Variants in CEP85L observed in about 807,000 individuals in gnomAD.
CEP85L encodes the protein centrosomal protein of 85 kDa-like.
Under a neutral mutation model 100.3 loss-of-function variants are expected in CEP85L, and 60 were observed. The ratio of observed to expected loss-of-function variants is 0.60; its 90% CI spans 0.49 to 0.74. The LOEUF (loss-of-function observed/expected upper bound fraction) is 0.74. Among genes scored for constraint, CEP85L ranks in the 30% least tolerant of loss-of-function variants. CEP85L has a pLI of 0.00. For missense variants in CEP85L, 973 were observed against 936.2 expected, an observed-to-expected ratio of 1.04 and a Z score of -0.51; for synonymous variants, 319 against 322.7, an observed-to-expected ratio of 0.99 and a Z score of 0.12.
At chr6:118,479,328 T>A (rs1417881845) in intron 10 of CEP85L, among the ~76,000 whole-genome samples, 1 of 152,128 alleles carries the variant, frequency 6.6e-6, no homozygotes, top group Non-Finnish European at 1.5e-5. Context: ...AGATGACCAA[T>A]GACTTCCCAT....
chr6:118,545,325 C>T (rs1014306524), intron 3 of CEP85L, among the ~76,000 whole-genome samples: 1 of 152,210 alleles, frequency 6.6e-6, no homozygotes, highest in Non-Finnish European at 1.5e-5. Context: ...CGCGGTGGCT[C>T]ACGCCTGTAA....
At chr6:118,650,156 C>A (rs1358181291) in intron 1 of CEP85L, among the ~76,000 whole-genome samples, 2 of 152,080 alleles carry the variant, frequency 1.3e-5, no homozygotes, top group Non-Finnish European at 2.9e-5. Context: ...CTTTGTGGAG[C>A]AAGGTTACTT....
Position 118,491,824 on chromosome 6 carries a change from C to T in CEP85L, c.1299G>A (p.Glu433=), listed in dbSNP as rs978866463. The T allele has an allele frequency of 1.2e-6, 2 of 1,612,298 alleles. No individual in the cohort carries two copies. Among genetic ancestry groups the T allele is most frequent in the Non-Finnish European group, 1.7e-6 (2 of 1,179,396 alleles). The change falls in exon 6 of 13, where the codon GAG becomes GAA. Residue 433 remains glutamate (E), a synonymous_variant. Coordinates refer to ENST00000368491, the MANE Select transcript of CEP85L (RefSeq NM_001042475.3). ...CTTGTTGGGAATGGGAAACTGATTC[C>T]TCTGAAAATGGTGTCTGGAGTGAAG... ...ENTSLQTPFS[E]ESVSHSQQGE...
At position 118,651,197 on chromosome 6, in the gene CEP85L, C is replaced by T. The variant is rs1436503465; in HGVS notation, c.73G>A (p.Gly25Ser). Residue 25 changes from glycine to serine, a missense_variant and splice_region_variant, in exon 1 of 13, where the codon GGC (glycine) becomes AGC (serine). Transcript: ENST00000368491. ...GCCGGGGCGCTGTCCCGTTCCTTAC[C>T]GGCAGGGAAGCTGCGGGCTCCGCCG... ...SPGGARSFPA[G>S]PDYSSAWLPA... 11 of 1,495,234 alleles carry T rather than the reference C, an allele frequency of 7.4e-6. No individual in the cohort carries two copies. Among genetic ancestry groups the T allele is most frequent in the Non-Finnish European group, 8.9e-6 (10 of 1,129,144 alleles). The allele number at this position is 1,495,234 out of a possible 1,614,324, so 92.6% of individuals were successfully genotyped here. A position where few individuals can be genotyped will look rare whatever the true frequency, so the allele number is the denominator to read the frequency against.
At position 118,523,980 on chromosome 6, in the gene CEP85L, T is replaced by C. The variant is rs190316603; in HGVS notation, c.1021-60A>G. On this transcript the variant is annotated intron_variant, in intron 3 of 12. Coordinates refer to ENST00000368491, the MANE Select transcript of CEP85L (RefSeq NM_001042475.3). Reference sequence around the variant, plus strand: ...AATATTTAAAGAAAATATTTATATATTATCATATTTTCCCAAAGATTTATA... The same window carrying C: ...AATATTTAAAGAAAATATTTATATACTATCATATTTTCCCAAAGATTTATA... 1.2e-3 allele frequency: 782 copies of C among 640,880 alleles called. 5 individuals carry two copies. The African/African-American group carries it at 0.014, about 11-fold the overall frequency. 39.7% of individuals were successfully genotyped at this position (640,880 alleles called of 1,614,324 possible).
chr6:118,482,204 C>T (rs1773842798), intron 7 of CEP85L, among the ~76,000 whole-genome samples: 1 of 152,104 alleles, frequency 6.6e-6, no homozygotes, highest in South Asian at 2.1e-4. Context: ...ATTTATTTTA[C>T]TTTTATTGTA....
At chr6:118,491,047 T>C (rs562542404) in intron 6 of CEP85L, among the ~76,000 whole-genome samples, 3 of 152,284 alleles carry the variant, frequency 2.0e-5, no homozygotes, top group South Asian at 4.1e-4. Flanking sequence ...CACCTAGTAG[T>C]GGGACTGCTG....
At chr6:118,537,960 A>G in intron 3 of CEP85L, 3 of 899,736 alleles carry the variant, frequency 3.3e-6, no homozygotes, top group Non-Finnish European at 4.0e-6. Context: ...AAAAGTAAAT[A>G]AATTCACAAA....
chr6:118,684,742 T>C (rs768241179), intron 1 of CEP85L, among the ~76,000 whole-genome samples: 3 of 152,160 alleles, frequency 2.0e-5, no homozygotes, highest in Admixed American at 6.5e-5. Flanking sequence ...TAGTAACCCA[T>C]GATCTTGTAA....
intron 6 of CEP85L, among the ~76,000 whole-genome samples, chr6:118,489,602 G>A (rs1031557582): frequency 6.6e-6 from 1 of 152,122 alleles, no homozygotes; most frequent in Non-Finnish European, 1.5e-5. Context: ...ACCATCTCGT[G>A]CCTGTTAGGC....
intron 1 of CEP85L, among the ~76,000 whole-genome samples, chr6:118,692,464 T>A (rs576405047): frequency 6.6e-6 from 1 of 152,134 alleles, no homozygotes; most frequent in South Asian, 2.1e-4. Flanking sequence ...CTGAGGAGAG[T>A]GTTTCAAGCT....
Position 118,534,428 on chromosome 6 carries a change from G to A in CEP85L, c.1021-10508C>T, listed in dbSNP as rs753389946. On this transcript the variant is annotated intron_variant, in intron 3 of 12. Transcript: ENST00000368491. Reference sequence around the variant, plus strand: ...AGCACTTTGGGAGGCCGAAGTGGGCGGATCATCTGAGGTAAGGAGTTCGAG... The same window carrying A: ...AGCACTTTGGGAGGCCGAAGTGGGCAGATCATCTGAGGTAAGGAGTTCGAG... Among the ~76,000 whole-genome samples, 71 of 152,012 alleles carry A rather than the reference G, an allele frequency of 4.7e-4. 1 individual carries two copies. The highest frequency in any genetic ancestry group is 8.8e-4 in the Non-Finnish European group (60 of 68,014).
intron 6 of CEP85L, among the ~76,000 whole-genome samples, chr6:118,491,196 TACACACACAC>T (rs1160030823): frequency 3.4e-4 from 40 of 116,430 alleles, no homozygotes; most frequent in Middle Eastern, 4.4e-3. Context: ...CCAACATCTA[TACACACACAC>T]ACACACACAC....
intron 2 of CEP85L, among the ~76,000 whole-genome samples, chr6:118,585,441 C>T (rs1467288233): frequency 2.0e-5 from 3 of 152,186 alleles, no homozygotes; most frequent in Non-Finnish European, 4.4e-5. Flanking sequence ...ATTAGCTGAT[C>T]AGGCAGCTAA....
At chr6:118,673,487 A>G (rs182113588) in intron 1 of CEP85L, among the ~76,000 whole-genome samples, 14 of 152,310 alleles carry the variant, frequency 9.2e-5, no homozygotes, top group African/African-American at 3.4e-4. Flanking sequence ...ACACAAGGCA[A>G]TATCTCATGG....
At chr6:118,674,188 A>G (rs568238124) in intron 1 of CEP85L, among the ~76,000 whole-genome samples, 1 of 152,348 alleles carries the variant, frequency 6.6e-6, no homozygotes, top group East Asian at 1.9e-4. Flanking sequence ...CTTCATAAAA[A>G]TTATGAATAT....
At chr6:118,651,934 C>CAG (rs1775597730), upstream of CEP85L, 1 of 985,320 alleles carries the variant, frequency 1.0e-6, no homozygotes, top group Non-Finnish European at 1.2e-6. Context: ...CTGCCCCTGG[C>CAG]GTCACAACCG....
intron 2 of CEP85L, 28 bp downstream of exon 2, chr6:118,632,425 T>C (rs1043126069): frequency 1.3e-6 from 2 of 1,559,334 alleles, no homozygotes; most frequent in East Asian, 2.3e-5. Context: ...CAAAGATTCA[T>C]ATATAAACAA....
chr6:118,617,319 T>C (rs1446057823), intron 2 of CEP85L, among the ~76,000 whole-genome samples: 1 of 152,176 alleles, frequency 6.6e-6, no homozygotes, highest in Non-Finnish European at 1.5e-5. Flanking sequence ...TTTTCCTGTG[T>C]GCCCTCCCCC....
Sources: gnomAD v4.1 joint callset for allele counts (sites outside exome capture counted in the v4.1 genomes callset) on GRCh38, gnomAD v4.1.1 for gene constraint, MANE v1.5 for transcripts, NCBI Gene and HGNC (gene_info 2026-07-23, HGNC 2026-07-21) for gene names.